TDP1: variants seen among roughly 807,000 people sequenced by gnomAD.
TDP1 encodes tyr-DNA phosphodiesterase 1.
Under a neutral mutation model 81.5 loss-of-function variants are expected in TDP1, and 64 were observed. That is an observed-to-expected ratio of 0.79 (90% CI 0.64 to 0.97). The LOEUF (loss-of-function observed/expected upper bound fraction) is 0.97. Among genes scored for constraint, TDP1 ranks in the 50% least tolerant of loss-of-function variants. The pLI is 0.00. For synonymous variants in TDP1, 256 were observed against 264.3 expected (o/e 0.97, Z 0.30); for missense variants, 723 against 743.8 (o/e 0.97, Z 0.33).
At chr14:89,999,944 C>T (rs1004251357) in intron 14 of TDP1, among the ~76,000 whole-genome samples, 7 of 152,182 alleles carry the variant, frequency 4.6e-5, no homozygotes, top group African/African-American at 1.7e-4. Flanking sequence ...TTTACTATCT[C>T]ATGGTTCCCG....
intron 7 of TDP1, among the ~76,000 whole-genome samples, 156 bp downstream of exon 7, chr14:89,975,971 TC>T (rs2140040167): frequency 6.6e-6 from 1 of 152,334 alleles, no homozygotes; most frequent in South Asian, 2.1e-4. Flanking sequence ...TATTTAATGC[TC>T]TTATAAAAAT....
Position 90,012,531 on chromosome 14 carries a change from C to T in TDP1, c.1542-6785C>T, listed in dbSNP as rs560713888. ...TGGACATCCAGGCGTTTCTATACATCCTCTGAAATGTAGGTAGAGTTTCCC... is the reference window on the plus strand; with the variant it reads ...TGGACATCCAGGCGTTTCTATACATTCTCTGAAATGTAGGTAGAGTTTCCC... On this transcript the variant is annotated intron_variant, in intron 14 of 16. Transcript: ENST00000335725. Among the ~76,000 whole-genome samples, 16 of 152,036 alleles carry T rather than the reference C, an allele frequency of 1.1e-4. No individual in the cohort carries two copies. The East Asian group carries it at 2.4e-3, about 23-fold the overall frequency.
chr14:89,964,807 A>G, intron 3 of TDP1: 1 of 409,606 alleles, frequency 2.4e-6, no homozygotes, highest in Non-Finnish European at 4.8e-6. Context: ...TATTGTGGTA[A>G]CATGATAGGA....
At chr14:90,005,885 C>A (rs1169257511) in intron 14 of TDP1, among the ~76,000 whole-genome samples, 2 of 152,124 alleles carry the variant, frequency 1.3e-5, no homozygotes. Flanking sequence ...TTGAAAAGCA[C>A]TTTTTTTATC....
chr14:89,967,495 A>C, intron 5 of TDP1, 73 bp downstream of exon 5: 5 of 1,280,268 alleles, frequency 3.9e-6, no homozygotes, highest in Non-Finnish European at 5.7e-6. Context: ...TGTATTTCTC[A>C]GGTGAAAGCC....
intron 14 of TDP1, among the ~76,000 whole-genome samples, chr14:90,018,322 GTC>G (rs1885558362): frequency 6.6e-6 from 1 of 152,138 alleles, no homozygotes; most frequent in South Asian, 2.1e-4. Context: ...GTTTATGTTA[GTC>G]TCTGCCACAT....
intron 8 of TDP1, chr14:89,983,344 T>G (rs532888363): frequency 1.1e-5 from 3 of 275,866 alleles, no homozygotes; most frequent in Non-Finnish European, 1.4e-5. Context: ...TGCTACCTCC[T>G]GTGCTAAGTG....
intron 7 of TDP1, among the ~76,000 whole-genome samples, chr14:89,979,868 A>T (rs1180591873): frequency 6.6e-6 from 1 of 152,158 alleles, no homozygotes; most frequent in Non-Finnish European, 1.5e-5. Flanking sequence ...ATGGAAAAAG[A>T]GTGGACCCCA....
intron 16 of TDP1, among the ~76,000 whole-genome samples, chr14:90,042,476 CCT>C (rs1349729067): frequency 6.6e-6 from 1 of 152,148 alleles, no homozygotes; most frequent in Non-Finnish European, 1.5e-5. Context: ...AGGATTTGCC[CCT>C]GTGTCTCTGC....
At chr14:89,983,287 C>T (rs1252232525) in intron 8 of TDP1, 22 of 364,652 alleles carry the variant, frequency 6.0e-5, no homozygotes, top group Admixed American at 5.0e-4. Flanking sequence ...GTATAGTCAG[C>T]TAGTCGATCT....
rs903205510 is a variant in TDP1 at position 90,005,239 on chromosome 14, C to G, written c.1541+11756C>G. ...TGTAAAACCAGGGGTTGGGCTAAAT[C>G]AGTGGATTTTATGCTGTGTTCCTTG... On this transcript the variant is annotated intron_variant, in intron 14 of 16. Transcript: ENST00000335725. Among the ~76,000 whole-genome samples, 5 of 152,270 alleles carry G rather than the reference C, an allele frequency of 3.3e-5. No homozygotes were observed. The East Asian group carries it at 5.8e-4, about 18-fold the overall frequency.
rs563469158 is a variant in TDP1, at chr14:89,963,819, A to G, written c.559+146A>G. 77 of 876,470 alleles carry G rather than the reference A, an allele frequency of 8.8e-5. No individual in the cohort carries two copies. The African/African-American group carries it at 1.2e-3, about 13-fold the overall frequency. 54.3% of individuals were successfully genotyped at this position (876,470 alleles called of 1,614,324 possible). On this transcript the variant is annotated intron_variant, in intron 3 of 16. Coordinates refer to ENST00000335725, the MANE Select transcript of TDP1 (RefSeq NM_018319.4). Reference sequence around the variant, plus strand: ...TCAGGAAAAAAATTCTTGACAGGCAAGTGCATTAGTATAACAGCAGACTGT... The same window carrying G: ...TCAGGAAAAAAATTCTTGACAGGCAGGTGCATTAGTATAACAGCAGACTGT...
chr14:90,010,952 T>A (rs976792334), intron 14 of TDP1, among the ~76,000 whole-genome samples: 2 of 152,098 alleles, frequency 1.3e-5, no homozygotes, highest in Non-Finnish European at 2.9e-5. Context: ...CCAAATCTCA[T>A]CTTGAATTGT....
At chr14:89,981,147 A>G (rs1362044266) in intron 8 of TDP1, among the ~76,000 whole-genome samples, 2 of 152,356 alleles carry the variant, frequency 1.3e-5, no homozygotes, top group Non-Finnish European at 2.9e-5. Context: ...GGGCCTGGTC[A>G]TGTTAATAGT....
At position 90,032,125 on chromosome 14, in the gene TDP1, G is replaced by A. The variant is rs1047050693; in HGVS notation, c.1645-981G>A. Among the ~76,000 whole-genome samples the A allele has an allele frequency of 2.6e-5, 4 of 152,176 alleles. No individual in the cohort carries two copies. The East Asian group carries it at 7.7e-4, about 29-fold the overall frequency. On this transcript the variant is annotated intron_variant, in intron 15 of 16. Transcript: ENST00000335725. ...GAAATAAAGTGTCGAATGAACGAAT[G>A]TGCAGACATCAGTCATTTACTCAGC...
chr14:89,968,554 A>C (rs1893214461), intron 5 of TDP1, among the ~76,000 whole-genome samples: 2 of 152,252 alleles, frequency 1.3e-5, no homozygotes, highest in East Asian at 3.8e-4. Flanking sequence ...AGCAGAGCTC[A>C]GCTGCATGCT....
chr14:89,959,062 A>C (rs1052797574), intron 2 of TDP1, among the ~76,000 whole-genome samples: 4 of 152,230 alleles, frequency 2.6e-5, no homozygotes, highest in African/African-American at 9.6e-5. Context: ...TTAAACAGGG[A>C]GTTTGGATTG....
chr14:90,004,333 T>C (rs111901608), intron 14 of TDP1, among the ~76,000 whole-genome samples: 2,621 of 152,252 alleles, frequency 0.017, 67 homozygotes, highest in African/African-American at 0.059. Flanking sequence ...GATGAGGAGG[T>C]GCTACCTGGA....
chr14:89,976,815 G>A (rs1871418953), intron 7 of TDP1, among the ~76,000 whole-genome samples: 1 of 152,028 alleles, frequency 6.6e-6, no homozygotes, highest in African/African-American at 2.4e-5. Flanking sequence ...GGGATTACAG[G>A]TGTGAGCTAC....
Sources: gnomAD v4.1 joint callset for allele counts (sites outside exome capture counted in the v4.1 genomes callset) on GRCh38, gnomAD v4.1.1 for gene constraint, MANE v1.5 for transcripts, NCBI Gene and HGNC (gene_info 2026-07-23, HGNC 2026-07-21) for gene names.